Variants in LAMA5 observed in about 807,000 individuals in gnomAD.
LAMA5 encodes laminin subunit alpha-5.
In LAMA5, 260 loss-of-function variants were observed where a neutral mutation model predicts 433.4. That is an observed-to-expected ratio of 0.60 (90% CI 0.54 to 0.66). The LOEUF (loss-of-function observed/expected upper bound fraction) is 0.66. Ranked by LOEUF, LAMA5 falls within the 30% of genes least tolerant of loss-of-function variation. The probability of loss-of-function intolerance (pLI) is 0.00; values close to 1 mark genes in which losing one functional copy is unlikely to be tolerated. For missense variants in LAMA5, 5,378 were observed against 5,258.5 expected (o/e 1.02, Z -0.70); for synonymous variants, 2,620 against 2,226.6 (o/e 1.18, Z -4.97).
chr20:62,328,172 C>T (rs1392784881), intron 35 of LAMA5, 69 bp downstream of exon 35: 2 of 1,518,742 alleles, frequency 1.3e-6, no homozygotes, highest in African/African-American at 1.4e-5. Context: ...GTGCCAGGAC[C>T]CTCTGGCTAG....
rs755739589 is a variant in LAMA5 at position 62,322,226 on chromosome 20, T to G, written c.6346+43A>C. On this transcript the variant is annotated intron_variant, in intron 47 of 79. Coordinates refer to ENST00000252999, the MANE Select transcript of LAMA5 (RefSeq NM_005560.6). ...CCTGGGACCTTGGAGCGTACCCCAC[T>G]CAGAAGTCCCCATCCGCCCTCCTGT... 1.9e-6 allele frequency: 3 copies of G among 1,561,778 alleles called. No homozygotes were observed. In the Admixed American group the frequency reaches 5.4e-5, roughly 28 times the overall value.
In LAMA5 at chr20:62,316,911, C is replaced by T; in HGVS notation, c.7624G>A (p.Ala2542Thr). The change falls in exon 56 of 80, where the codon GCC becomes ACC. Residue 2542 changes from alanine to threonine, a missense_variant. Transcript: ENST00000252999. ...CACGTGTGGTCCGCCTGCTGCAGGGCCTGGCCAGCAGCATCCTCGGCAGCC... is the reference window on the plus strand; with the variant it reads ...CACGTGTGGTCCGCCTGCTGCAGGGTCTGGCCAGCAGCATCCTCGGCAGCC... The part of the protein sequence containing the change: ...VQAAEDAAGQ[A>T]LQQADHTWAT... The T allele has an allele frequency of 6.5e-7, 1 of 1,544,052 alleles. No individual in the cohort carries two copies. The highest frequency in any genetic ancestry group is 2.3e-5 in the East Asian group (1 of 43,120).
chr20:62,325,202 G>C (rs951013255), intron 41 of LAMA5, 114 bp downstream of exon 41: 5 of 688,120 alleles, frequency 7.3e-6, no homozygotes, highest in Non-Finnish European at 1.2e-5. Context: ...AGGAAGAGAG[G>C]TGAGTAGGGT....
At chr20:62,314,514 G>C (rs1601287516) in intron 61 of LAMA5, 41 bp downstream of exon 61, 2 of 1,606,816 alleles carry the variant, frequency 1.2e-6, no homozygotes. Context: ...TTTCCAAACA[G>C]AGCCTGAGCT....
Position 62,310,489 on chromosome 20 carries a change from G to C in LAMA5, c.10530C>G (p.Val3510=). Residue 3510 remains valine, a synonymous_variant, in exon 76 of 80, where the codon GTC becomes GTG. Coordinates refer to ENST00000252999, the MANE Select transcript of LAMA5 (RefSeq NM_005560.6). ...CCAGGGGGCCCAAGATGCAGGGTGT[G>C]ACCCCTGCCATCCGTGTGGGGGCCC... ...PLGAPTRMAG[V]TPCILGPLEA... 1 of 1,576,578 alleles carries C rather than the reference G, an allele frequency of 6.3e-7. No individual in the cohort carries two copies. Among genetic ancestry groups the C allele is most frequent in the Non-Finnish European group, 8.6e-7 (1 of 1,166,656 alleles).
intron 11 of LAMA5, among the ~76,000 whole-genome samples, chr20:62,343,281 T>TA (rs1400965116): frequency 1.3e-5 from 2 of 152,002 alleles, no homozygotes; most frequent in Non-Finnish European, 2.9e-5. Flanking sequence ...CATTTCCACA[T>TA]AAAAAAACCA....
chr20:62,309,980 G>T lies in LAMA5; in HGVS notation c.10828+8C>A. The stretch of plus-strand genomic sequence containing the variant: ...GGCAGAGTGCCCTGGCCACAGGAGG[G>T]GCCTCACCCGCTAGCCGGTGCCACT... On this transcript the variant is annotated splice_region_variant and intron_variant, in intron 78 of 79. Transcript: ENST00000252999. 1 of 1,609,692 alleles carries T rather than the reference G, an allele frequency of 6.2e-7. No homozygotes were observed.
intron 2 of LAMA5, 130 bp downstream of exon 2, chr20:62,362,270 G>A (rs993999987): frequency 2.8e-5 from 26 of 924,644 alleles, no homozygotes; most frequent in African/African-American, 8.6e-5. Context: ...CAAGTCCTTC[G>A]TGTCCAGCCT....
In LAMA5 at chr20:62,347,035, G is replaced by A. The variant is rs1020301219; in HGVS notation, c.957-7C>T. The A allele has an allele frequency of 6.2e-7, 1 of 1,606,128 alleles. No homozygotes were observed. Among genetic ancestry groups the A allele is most frequent in the Non-Finnish European group, 8.5e-7 (1 of 1,176,032 alleles). ...CTGGCAGGTGCACTGCAGCCTGTGG[G>A]GTACACAGGAGGGGGGATCAGGCCC... On this transcript the variant is annotated splice_polypyrimidine_tract_variant and splice_region_variant and intron_variant, in intron 6 of 79. Coordinates refer to ENST00000252999, the MANE Select transcript of LAMA5 (RefSeq NM_005560.6).
At chr20:62,312,571 C>CA in intron 67 of LAMA5, 39 bp from the exon 68 acceptor site, 4 of 1,598,988 alleles carry the variant, frequency 2.5e-6, no homozygotes, top group Middle Eastern at 1.7e-4. Context: ...GCGCCACCTC[C>CA]AAGCCCAGCC....
At position 62,330,850 on chromosome 20, in the gene LAMA5, T is replaced by TCAGCGGGAGGCCGGGCGG. The variant is rs779178654; in HGVS notation, c.3727_3744dup (p.Pro1243_Leu1248dup). ...GCTGGAGTGAGATCCTGCGCGTGGG[T>TCAGCGGGAGGCCGGGCGG]CAGCGGGAGGCCGGGCGGCAGCGGG... On this transcript the variant is annotated inframe_insertion, in exon 30 of 80. Transcript: ENST00000252999. The TCAGCGGGAGGCCGGGCGG allele has an allele frequency of 1.7e-4, 269 of 1,541,508 alleles. No individual in the cohort carries two copies. Among genetic ancestry groups the TCAGCGGGAGGCCGGGCGG allele is most frequent in the Non-Finnish European group, 2.2e-4 (252 of 1,143,430 alleles).
In LAMA5 at chr20:62,325,530, G is replaced by A. The variant is rs531247856; in HGVS notation, c.5315C>T (p.Thr1772Met). 2.7e-5 allele frequency: 43 copies of A among 1,607,862 alleles called. No individual in the cohort carries two copies. The East Asian group carries it at 3.1e-4, about 12-fold the overall frequency. ...GCGGGACACAGTGTTGCGCGTCTCC[G>A]TATGCCGGAAGTTCCCCTGTGGGTC... ...LQLVEGNFRH[T>M]ETRNTVSREE... Residue 1772 changes from threonine to methionine, a missense_variant, in exon 41 of 80, where the codon ACG becomes ATG. Thr to Met is a moderately conservative substitution (Grantham distance 81). Transcript: ENST00000252999.
In LAMA5 at chr20:62,337,784, C is replaced by A. The variant is rs201392984; in HGVS notation, c.2026+20G>T. On this transcript the variant is annotated intron_variant, in intron 15 of 79. Coordinates refer to ENST00000252999, the MANE Select transcript of LAMA5 (RefSeq NM_005560.6). ...GGAGACTGCACCTGCCTCCCCACCACTTCCTCCCTAGGCACTCACGGACAC... is the reference window on the plus strand; with the variant it reads ...GGAGACTGCACCTGCCTCCCCACCAATTCCTCCCTAGGCACTCACGGACAC... 7 of 1,610,384 alleles carry A rather than the reference C, an allele frequency of 4.3e-6. No individual in the cohort carries two copies. The highest frequency in any genetic ancestry group is 1.7e-5 in the Admixed American group (1 of 59,920).
intron 79 of LAMA5, 77 bp downstream of exon 79, chr20:62,309,639 T>TGGGGGGGGGTGGG: frequency 2.1e-6 from 1 of 465,258 alleles, no homozygotes; most frequent in Non-Finnish European, 3.1e-6. Context: ...GGTGGAGGGG[T>TGGGGGGGGGTGGG]GGGGGGAGGG....
chr20:62,344,722 T>C (rs1983091808), intron 11 of LAMA5, among the ~76,000 whole-genome samples: 2 of 152,206 alleles, frequency 1.3e-5, no homozygotes, highest in South Asian at 2.1e-4. Flanking sequence ...GTGCTGGGAT[T>C]ACAGGTGTGA....
rs1984410773 is a variant in LAMA5, at chr20:62,352,097, T to C, written c.688-18A>G. ...ACCACGATCTGTGGGCAGTATGCGG[T>C]GACGCCAGTGTGGCCCTAGCCCCTG... On this transcript the variant is annotated intron_variant, in intron 4 of 79. Transcript: ENST00000252999. 2 of 1,609,236 alleles carry C rather than the reference T, an allele frequency of 1.2e-6. No individual in the cohort carries two copies. The highest frequency in any genetic ancestry group is 4.5e-5 in the East Asian group (2 of 44,842).
Position 62,309,975 on chromosome 20 carries a change from G to A in LAMA5, c.10828+13C>T, listed in dbSNP as rs1373032931. 3 of 1,609,172 alleles carry A rather than the reference G, an allele frequency of 1.9e-6. No individual in the cohort carries two copies. Among genetic ancestry groups the A allele is most frequent in the African/African-American group, 1.3e-5 (1 of 74,924 alleles). ...GGGGTGGCAGAGTGCCCTGGCCACAGGAGGGGCCTCACCCGCTAGCCGGTG... is the reference window on the plus strand; with the variant it reads ...GGGGTGGCAGAGTGCCCTGGCCACAAGAGGGGCCTCACCCGCTAGCCGGTG... On this transcript the variant is annotated intron_variant, in intron 78 of 79. Coordinates refer to ENST00000252999, the MANE Select transcript of LAMA5 (RefSeq NM_005560.6).
chr20:62,328,257 CTG>C lies in LAMA5; in HGVS notation c.4634_4635del (p.Thr1545ArgfsTer17). ...GGCTCTCACTTGCACTGGCCGCTGT[CTG>C]TGTCACAGGTAGGGTCTGTGAGCTC... Reference protein sequence around the residue: ...IQELTDPTCDTDSGQCKCRPN... With the variant: ...IQELTDPTCDXDSGQCKCRPN... On this transcript the variant is annotated frameshift_variant, in exon 35 of 80. Coordinates refer to ENST00000252999, the MANE Select transcript of LAMA5 (RefSeq NM_005560.6). LOFTEE classifies it high-confidence loss of function. 2 of 1,606,748 alleles carry C rather than the reference CTG, an allele frequency of 1.2e-6. No homozygotes were observed. Among genetic ancestry groups the C allele is most frequent in the South Asian group, 1.1e-5 (1 of 89,774 alleles).
At chr20:62,318,370 GGAGGGGAGGAGCCGGAGAGGA>G (rs1384179372) in intron 53 of LAMA5, 63 bp downstream of exon 53, 21 of 946,546 alleles carry the variant, frequency 2.2e-5, no homozygotes, top group African/African-American at 2.1e-4. Flanking sequence ...CGAGGGGAGG[GGAGGGGAGGAGCCGGAGAGGA>G]GAGGGATTGC....
Sources: gnomAD v4.1 joint callset for allele counts (sites outside exome capture counted in the v4.1 genomes callset) on GRCh38, gnomAD v4.1.1 for gene constraint, MANE v1.5 for transcripts, NCBI Gene and HGNC (gene_info 2026-07-23, HGNC 2026-07-21) for gene names.